Variants in GALNT13 observed in about 807,000 individuals in gnomAD.
GALNT13 encodes the protein polypeptide N-acetylgalactosaminyltransferase 13.
In GALNT13, 28 loss-of-function variants were observed where a neutral mutation model predicts 64.2. The ratio of observed to expected loss-of-function variants is 0.44; its 90% CI spans 0.32 to 0.60. The LOEUF is 0.60. GALNT13 is among the 20% of genes least tolerant of loss of function. The probability of loss-of-function intolerance (pLI) is 0.05; values close to 1 mark genes in which losing one functional copy is unlikely to be tolerated. For synonymous variants in GALNT13, 214 were observed against 224.6 expected (o/e 0.95, Z 0.42); for missense variants, 577 against 669.8 (o/e 0.86, Z 1.53).
the GALNT13 span, among the ~76,000 whole-genome samples, chr2:153,528,000 AGAAG>A: frequency 1.3e-5 from 2 of 152,000 alleles, no homozygotes; most frequent in African/African-American, 4.8e-5. Flanking sequence ...TGGGAATACG[AGAAG>A]GAAAGCAAGA....
intron 3 of GALNT13, among the ~76,000 whole-genome samples, chr2:154,022,676 T>G (rs1697608412): frequency 6.6e-6 from 1 of 152,200 alleles, no homozygotes; most frequent in Non-Finnish European, 1.5e-5. Flanking sequence ...TTTGGAGGGC[T>G]TTTTGTGTCT....
the GALNT13 span, among the ~76,000 whole-genome samples, chr2:153,416,585 T>C: frequency 6.6e-6 from 1 of 152,236 alleles, no homozygotes; most frequent in Admixed American, 6.5e-5. Flanking sequence ...TGGCAAATAT[T>C]TTCCTAGACT....
chr2:153,193,376 C>T, the GALNT13 span, among the ~76,000 whole-genome samples: 1 of 145,776 alleles, frequency 6.9e-6, no homozygotes, highest in South Asian at 2.1e-4. Context: ...TATTCTCACT[C>T]ATAGGTGGGA....
chr2:153,154,751 G>C, the GALNT13 span, among the ~76,000 whole-genome samples: 3 of 152,144 alleles, frequency 2.0e-5, no homozygotes, highest in Admixed American at 6.6e-5. Flanking sequence ...GCCCTGGCCA[G>C]AACTTCCAAT....
At chr2:154,138,103 C>T (rs1365400313) in intron 3 of GALNT13, among the ~76,000 whole-genome samples, 1 of 152,034 alleles carries the variant, frequency 6.6e-6, no homozygotes, top group Non-Finnish European at 1.5e-5. Context: ...TTTCCCCATA[C>T]ATTTCCTAGT....
chr2:153,127,113 G>A, the GALNT13 span, among the ~76,000 whole-genome samples: 1 of 152,096 alleles, frequency 6.6e-6, no homozygotes, highest in Non-Finnish European at 1.5e-5. Flanking sequence ...CTGTGTTAGT[G>A]TTTGATTGCG....
intron 3 of GALNT13, among the ~76,000 whole-genome samples, chr2:153,949,734 A>G (rs899349370): frequency 1.3e-5 from 2 of 152,086 alleles, no homozygotes; most frequent in African/African-American, 4.8e-5. Context: ...TATAATTGGA[A>G]CAGAGAAGCA....
At chr2:153,076,731 T>C in the GALNT13 span, among the ~76,000 whole-genome samples, 4 of 152,142 alleles carry the variant, frequency 2.6e-5, no homozygotes, top group Non-Finnish European at 5.9e-5. Context: ...CTCATTATAC[T>C]CTAAGTTTCC....
At chr2:154,432,004 C>T (rs1191165918) in intron 11 of GALNT13, among the ~76,000 whole-genome samples, 4 of 152,108 alleles carry the variant, frequency 2.6e-5, no homozygotes, top group African/African-American at 4.8e-5. Flanking sequence ...CGGACTAAAA[C>T]ATCATCTATG....
the GALNT13 span, among the ~76,000 whole-genome samples, chr2:153,474,550 T>A: frequency 6.6e-6 from 1 of 152,170 alleles, no homozygotes; most frequent in African/African-American, 2.4e-5. Flanking sequence ...TCTTGCTACA[T>A]TTTCAGAGAG....
At chr2:154,162,843 T>C (rs1684812462) in intron 4 of GALNT13, among the ~76,000 whole-genome samples, 1 of 152,098 alleles carries the variant, frequency 6.6e-6, no homozygotes, top group African/African-American at 2.4e-5. Context: ...ATGAATGTAT[T>C]TTACACCTTC....
chr2:153,112,290 A>T, the GALNT13 span, among the ~76,000 whole-genome samples: 7 of 152,114 alleles, frequency 4.6e-5, no homozygotes, highest in South Asian at 1.2e-3. Flanking sequence ...TAAGTGCTCT[A>T]CTCATCCTAA....
chr2:154,214,054 A>T (rs958672), intron 4 of GALNT13, among the ~76,000 whole-genome samples: 123,101 of 152,116 alleles, frequency 0.81, 50,758 homozygotes, highest in East Asian at 0.98. Flanking sequence ...CGTCATTATA[A>T]AACTCACCAA....
chr2:153,159,237 T>A, the GALNT13 span: 1 of 152,238 alleles, frequency 6.6e-6, no homozygotes, highest in Non-Finnish European at 1.5e-5. Context: ...AGAGATCTTC[T>A]CTACCATACC....
intron 1 of GALNT13, among the ~76,000 whole-genome samples, chr2:153,899,936 T>TATA (rs1491469218): frequency 3.2e-4 from 14 of 43,498 alleles, no homozygotes; most frequent in South Asian, 5.9e-4. Context: ...TATATATATA[T>TATA]TTTTTTTTTT....
chr2:153,200,556 C>T, the GALNT13 span, among the ~76,000 whole-genome samples: 5 of 152,104 alleles, frequency 3.3e-5, no homozygotes, highest in African/African-American at 1.2e-4. Flanking sequence ...TCTTTAAAGG[C>T]AGGAATTCGC....
chr2:153,441,709 A>G, the GALNT13 span, among the ~76,000 whole-genome samples: 2 of 152,096 alleles, frequency 1.3e-5, no homozygotes, highest in East Asian at 3.9e-4. Flanking sequence ...CTTTGTAGCA[A>G]TTGTGAATGG....
intron 9 of GALNT13, among the ~76,000 whole-genome samples, chr2:154,392,870 TAGG>T (rs1454845682): frequency 1.3e-5 from 2 of 152,148 alleles, no homozygotes; most frequent in Non-Finnish European, 2.9e-5. Context: ...AAGCAAGAGA[TAGG>T]AGAAGTTAGG....
the GALNT13 span, among the ~76,000 whole-genome samples, chr2:153,244,164 A>G: frequency 6.6e-6 from 1 of 151,836 alleles, no homozygotes; most frequent in African/African-American, 2.4e-5. Context: ...TGCTATCTAC[A>G]TTGGGTCTTG....
Sources: gnomAD v4.1 joint callset for allele counts (sites outside exome capture counted in the v4.1 genomes callset) on GRCh38, gnomAD v4.1.1 for gene constraint, MANE v1.5 for transcripts, NCBI Gene and HGNC (gene_info 2026-07-23, HGNC 2026-07-21) for gene names.